Variants in HFM1 observed in about 807,000 individuals in gnomAD.
HFM1 encodes the protein probable ATP-dependent DNA helicase HFM1.
In HFM1, 169 loss-of-function variants were observed where a neutral mutation model predicts 192.1. The observed-to-expected ratio is 0.88, with a 90% CI of 0.78 to 1.00. HFM1 has a LOEUF of 1.00. Ranked by LOEUF, HFM1 falls within the 50% of genes least tolerant of loss-of-function variation. The pLI is 0.00. For missense variants in HFM1, 1,661 were observed against 1,668.0 expected (o/e 1.00, Z 0.07); for synonymous variants, 525 against 537.8 (o/e 0.98, Z 0.33).
At chr1:91,328,116 T>C (rs1275377217) in intron 20 of HFM1, among the ~76,000 whole-genome samples, 1 of 152,014 alleles carries the variant, frequency 6.6e-6, no homozygotes, top group African/African-American at 2.4e-5. Flanking sequence ...AAATAATAAA[T>C]GTCAGAGCAG....
intron 13 of HFM1, among the ~76,000 whole-genome samples, chr1:91,361,998 T>A (rs866867833): frequency 1.3e-5 from 2 of 152,260 alleles, no homozygotes; most frequent in Middle Eastern, 3.4e-3. Context: ...CAACACTCCT[T>A]CATGTTAAAA....
intron 2 of HFM1, among the ~76,000 whole-genome samples, chr1:91,400,480 C>CTTTTTTTTTTTTTTTTTTT (rs112090967): frequency 1.4e-5 from 2 of 139,062 alleles, no homozygotes; most frequent in Non-Finnish European, 1.6e-5. Context: ...AGGCAAGAAT[C>CTTTTTTTTTTTTTTTTTTT]TTTTTTTTTT....
At chr1:91,392,359 A>G (rs201205986) in intron 4 of HFM1, among the ~76,000 whole-genome samples, 5 of 152,246 alleles carry the variant, frequency 3.3e-5, no homozygotes, top group Non-Finnish European at 7.3e-5. Flanking sequence ...ATGTCCATCA[A>G]TGATAGACTG....
At chr1:91,351,712 G>A in intron 16 of HFM1, 69 bp from the exon 17 acceptor site, 4 of 724,410 alleles carry the variant, frequency 5.5e-6, no homozygotes, top group Non-Finnish European at 9.4e-6. Context: ...TTCAATAACT[G>A]AAGACTTCCA....
chr1:91,343,473 C>T lies in HFM1; in HGVS notation c.2292G>A (p.Leu764=), dbSNP rs764240912. The change falls in exon 20 of 39, where the codon CTG becomes CTA. Residue 764 remains leucine, a synonymous_variant. Coordinates refer to ENST00000370425, the MANE Select transcript of HFM1 (RefSeq NM_001017975.6). ...CLKNLNDLSS[L]DLIKMDEGVN... ...CACCTTCATCCATCTTTATTAAGTCCAGGGATGATAAATCATTCAGATTCT... is the reference window on the plus strand; with the variant it reads ...CACCTTCATCCATCTTTATTAAGTCTAGGGATGATAAATCATTCAGATTCT... The T allele has an allele frequency of 2.8e-6, 4 of 1,438,970 alleles. No individual in the cohort carries two copies. The highest frequency in any genetic ancestry group is 3.8e-6 in the Non-Finnish European group (4 of 1,049,404). The allele number at this position is 1,438,970 out of a possible 1,614,324, so 89.1% of individuals were successfully genotyped here.
chr1:91,373,760 C>T (rs1242744682), intron 13 of HFM1, among the ~76,000 whole-genome samples: 1 of 151,954 alleles, frequency 6.6e-6, no homozygotes, highest in African/African-American at 2.4e-5. Flanking sequence ...GATGTGGTGC[C>T]ATGTTTCTTG....
chr1:91,374,608 G>C lies in HFM1; in HGVS notation c.1685+750C>G, dbSNP rs74973002. Among the ~76,000 whole-genome samples the C allele has an allele frequency of 5.4e-3, 818 of 152,230 alleles. 4 individuals carry two copies. Among genetic ancestry groups the C allele is most frequent in the Non-Finnish European group, 9.3e-3 (631 of 67,992 alleles). Reference sequence around the variant, plus strand: ...TATCAATCATAGTTTTCTGCTATGAGTAACTAAGGAGATAATGTATAATTA... The same window carrying C: ...TATCAATCATAGTTTTCTGCTATGACTAACTAAGGAGATAATGTATAATTA... On this transcript the variant is annotated intron_variant, in intron 13 of 38. Coordinates refer to ENST00000370425, the MANE Select transcript of HFM1 (RefSeq NM_001017975.6).
intron 30 of HFM1, among the ~76,000 whole-genome samples, chr1:91,284,003 A>T (rs996402058): frequency 6.6e-6 from 1 of 151,924 alleles, no homozygotes; most frequent in African/African-American, 2.4e-5. Flanking sequence ...TAATGATGAG[A>T]GAGTCTCCTT....
chr1:91,321,613 T>C (rs1441190145), intron 23 of HFM1, among the ~76,000 whole-genome samples: 1 of 152,050 alleles, frequency 6.6e-6, no homozygotes, highest in Non-Finnish European at 1.5e-5. Context: ...CTATTAGCCA[T>C]CATCACCTAC....
At chr1:91,281,449 C>T (rs10801851) in intron 30 of HFM1, among the ~76,000 whole-genome samples, 72,872 of 151,840 alleles carry the variant, frequency 0.48, 18,335 homozygotes, top group African/African-American at 0.63. Flanking sequence ...CCTCTATCTG[C>T]CTCCTAATGC....
In HFM1 at chr1:91,343,514, T is replaced by C. The variant is rs773970799; in HGVS notation, c.2255-4A>G. On this transcript the variant is annotated splice_region_variant and splice_polypyrimidine_tract_variant and intron_variant, in intron 19 of 38. Transcript: ENST00000370425. Reference sequence around the variant, plus strand: ...TTCAGATTCTTCAAACATAATTCTGTTTAATTATAGAAAACACATTTTAAT... The same window carrying C: ...TTCAGATTCTTCAAACATAATTCTGCTTAATTATAGAAAACACATTTTAAT... The C allele has an allele frequency of 4.2e-6, 5 of 1,202,996 alleles. No homozygotes were observed. In the South Asian group the frequency reaches 7.8e-5, roughly 19 times the overall value. 74.5% of individuals were successfully genotyped at this position (1,202,996 alleles called of 1,614,324 possible).
Position 91,344,156 on chromosome 1 carries a change from C to T in HFM1, c.2255-646G>A, listed in dbSNP as rs114281569. Among the ~76,000 whole-genome samples the T allele has an allele frequency of 6.8e-3, 1,041 of 152,300 alleles. 7 individuals are homozygous for T. Among genetic ancestry groups the T allele is most frequent in the South Asian group, 0.017 (81 of 4,830 alleles). On this transcript the variant is annotated intron_variant, in intron 19 of 38. Coordinates refer to ENST00000370425, the MANE Select transcript of HFM1 (RefSeq NM_001017975.6). ...TGACAGGAAGCAATGCTAGTTCATG[C>T]TCACTATTGATGGGGATCAGAGCAA...
intron 13 of HFM1, among the ~76,000 whole-genome samples, chr1:91,363,530 A>G (rs1658816822): frequency 6.6e-6 from 1 of 151,978 alleles, no homozygotes; most frequent in Non-Finnish European, 1.5e-5. Flanking sequence ...AAGTCAAAAA[A>G]AAAAAAAACA....
chr1:91,298,059 C>G lies in HFM1; in HGVS notation c.3391+15290G>C, dbSNP rs1427385831. On this transcript the variant is annotated intron_variant, in intron 30 of 38. Coordinates refer to ENST00000370425, the MANE Select transcript of HFM1 (RefSeq NM_001017975.6). ...CCTTGAAAAAAAATTAGATGAACAGCTAACTAGAATAACCAATGCAGAGAA... is the reference window on the plus strand; with the variant it reads ...CCTTGAAAAAAAATTAGATGAACAGGTAACTAGAATAACCAATGCAGAGAA... Among the ~76,000 whole-genome samples, 3 of 152,056 alleles carry G rather than the reference C, an allele frequency of 2.0e-5. No individual in the cohort carries two copies. In the East Asian group the frequency reaches 5.8e-4, roughly 29 times the overall value.
chr1:91,385,697 T>A lies in HFM1; in HGVS notation c.632A>T (p.Gln211Leu). ...CACATTTGCAGAATACTGAAATTTT[T>A]GCTTACTATTGCTATAGTTCCTTGA... ...GKSRNYSNSK[Q>L]KFQYSANVFT... Residue 211 changes from glutamine to leucine, a missense_variant, in exon 5 of 39, where the codon CAA (glutamine) becomes CTA (leucine). Physicochemically the swap from Gln to Leu is moderately radical, Grantham distance 113. Coordinates refer to ENST00000370425, the MANE Select transcript of HFM1 (RefSeq NM_001017975.6). 1 of 1,612,474 alleles carries A rather than the reference T, an allele frequency of 6.2e-7. No homozygotes were observed. Among genetic ancestry groups the A allele is most frequent in the African/African-American group, 1.3e-5 (1 of 74,998 alleles).
intron 34 of HFM1, among the ~76,000 whole-genome samples, chr1:91,271,869 T>A (rs2100740098): frequency 6.6e-6 from 1 of 152,278 alleles, no homozygotes; most frequent in South Asian, 2.1e-4. Context: ...TTTTCTGGCC[T>A]TGCCATTAAT....
chr1:91,406,521 A>G (rs1490549858), upstream of HFM1, among the ~76,000 whole-genome samples: 1 of 152,200 alleles, frequency 6.6e-6, no homozygotes, highest in African/African-American at 2.4e-5. Flanking sequence ...TTTAAAAGGA[A>G]GCCTCAGGAC....
chr1:91,369,285 A>G (rs951457335), intron 13 of HFM1, among the ~76,000 whole-genome samples: 1 of 152,168 alleles, frequency 6.6e-6, no homozygotes, highest in African/African-American at 2.4e-5. Context: ...CCCCAAATAA[A>G]CAGAATATAC....
chr1:91,303,434 T>C (rs1449412300), intron 30 of HFM1, among the ~76,000 whole-genome samples: 1 of 152,230 alleles, frequency 6.6e-6, no homozygotes, highest in East Asian at 1.9e-4. Context: ...ATTTGGGTTG[T>C]TTCCAGTTTG....
Sources: gnomAD v4.1 joint callset for allele counts (sites outside exome capture counted in the v4.1 genomes callset) on GRCh38, gnomAD v4.1.1 for gene constraint, MANE v1.5 for transcripts, NCBI Gene and HGNC (gene_info 2026-07-23, HGNC 2026-07-21) for gene names.